FILIP1L: variants seen among roughly 807,000 people sequenced by gnomAD.
The protein encoded by FILIP1L is filamin A interacting protein 1 like.
In FILIP1L, 55 loss-of-function variants were observed where a neutral mutation model predicts 96.6. That is an observed-to-expected ratio of 0.57 (90% CI 0.46 to 0.71). The LOEUF is 0.71. Among genes scored for constraint, FILIP1L ranks in the 30% least tolerant of loss-of-function variants. FILIP1L has a pLI of 0.00. For synonymous variants in FILIP1L, 467 were observed against 473.9 expected (o/e 0.99, Z 0.19); for missense variants, 1,304 against 1,321.2 (o/e 0.99, Z 0.20).
chr3:99,985,720 A>G (rs1450929466), intron 1 of FILIP1L, among the ~76,000 whole-genome samples: 1 of 151,802 alleles, frequency 6.6e-6, no homozygotes, highest in Admixed American at 6.6e-5. Context: ...TCCTGAGTAA[A>G]TGGGATTACA....
intron 1 of FILIP1L, among the ~76,000 whole-genome samples, chr3:99,990,592 T>C (rs1331897548): frequency 6.6e-6 from 1 of 152,178 alleles, no homozygotes; most frequent in East Asian, 1.9e-4. Context: ...CTCTAAATAA[T>C]ACCAATTCTT....
intron 5 of FILIP1L, among the ~76,000 whole-genome samples, chr3:99,846,869 G>T (rs936423969): frequency 2.0e-5 from 3 of 152,144 alleles, no homozygotes; most frequent in African/African-American, 7.2e-5. Context: ...CAATTATGAG[G>T]TTAGAAAAAG....
rs1321185364 is a variant in FILIP1L at position 100,021,960 on chromosome 3, T to TGTGTGTGAGA, written c.-10-90931_-10-90930insTCTCACACAC. ...GTGTGTGTGTGTGTGTGTGTGTGTG[T>TGTGTGTGAGA]GAGAGAGAGAGAGAGAGAGAGAGAG... On this transcript the variant is annotated intron_variant, in intron 1 of 5. Transcript: ENST00000477258. Among the ~76,000 whole-genome samples, 309 of 93,276 alleles carry TGTGTGTGAGA rather than the reference T, an allele frequency of 3.3e-3. 1 individual carries two copies. The highest frequency in any genetic ancestry group is 0.011 in the South Asian group (25 of 2,286). 61.2% of individuals were successfully genotyped at this position (93,276 alleles called of 152,430 possible).
intron 1 of FILIP1L, among the ~76,000 whole-genome samples, chr3:99,952,029 T>G (rs892885759): frequency 2.0e-5 from 3 of 152,188 alleles, no homozygotes; most frequent in African/African-American, 7.2e-5. Context: ...AAATTACTGT[T>G]TATTCCAGTG....
At chr3:99,996,413 C>G (rs188108854) in intron 1 of FILIP1L, among the ~76,000 whole-genome samples, 1 of 152,196 alleles carries the variant, frequency 6.6e-6, no homozygotes, top group Non-Finnish European at 1.5e-5. Flanking sequence ...GAAGTTCCAA[C>G]TTTCCCACAT....
intron 4 of FILIP1L, among the ~76,000 whole-genome samples, chr3:99,902,608 A>C (rs1488311149): frequency 1.3e-5 from 2 of 152,250 alleles, no homozygotes; most frequent in Non-Finnish European, 2.9e-5. Context: ...ACCTTGGATT[A>C]TAGTCCATTG....
chr3:99,994,164 T>C (rs1219910839), intron 1 of FILIP1L, among the ~76,000 whole-genome samples: 1 of 152,176 alleles, frequency 6.6e-6, no homozygotes, highest in African/African-American at 2.4e-5. Flanking sequence ...TCATTATTGG[T>C]CTGTTCAGGA....
chr3:99,878,745 G>A (rs183516456), intron 4 of FILIP1L, among the ~76,000 whole-genome samples: 2 of 152,182 alleles, frequency 1.3e-5, no homozygotes, highest in Admixed American at 6.5e-5. Flanking sequence ...GAAAGTCAAG[G>A]GTTTTGAGGG....
intron 4 of FILIP1L, among the ~76,000 whole-genome samples, chr3:99,908,912 A>C (rs562793764): frequency 6.6e-6 from 1 of 152,136 alleles, no homozygotes; most frequent in Non-Finnish European, 1.5e-5. Flanking sequence ...TGGGAATCTT[A>C]ATTAGCTTCA....
In FILIP1L at chr3:99,930,867, T is replaced by A. The variant is rs372946403; in HGVS notation, c.154A>T (p.Lys52Ter). Residue 52 changes from lysine (K) to a stop codon, truncating the protein, a stop_gained, in exon 2 of 6, where the codon AAG (lysine) becomes TAG (stop). Coordinates refer to ENST00000477258, the MANE Select transcript of FILIP1L (RefSeq NM_001387850.1). LOFTEE classifies it high-confidence loss of function. Reference protein sequence around the residue: ...SESDVILPCPKAEKPHSGNGH... With the variant: ...SESDVILPCP ...TTACCACTGTGTGGCTTCTCTGCCT[T>A]GGGACACGGAAGTATTACATCCGAC... 1.2e-6 allele frequency: 2 copies of A among 1,613,186 alleles called. No homozygotes were observed.
chr3:99,943,392 T>G (rs1023339439), intron 1 of FILIP1L, among the ~76,000 whole-genome samples: 5 of 152,326 alleles, frequency 3.3e-5, no homozygotes, highest in African/African-American at 1.2e-4. Context: ...ATTTTTCATA[T>G]TCCATCTACT....
At chr3:99,891,953 CTTA>C (rs1415608626) in intron 4 of FILIP1L, among the ~76,000 whole-genome samples, 1 of 152,142 alleles carries the variant, frequency 6.6e-6, no homozygotes, top group Non-Finnish European at 1.5e-5. Flanking sequence ...TTCACTAACA[CTTA>C]TTAGTTAAAT....
intron 4 of FILIP1L, among the ~76,000 whole-genome samples, chr3:99,886,788 A>G (rs1056785923): frequency 1.3e-5 from 2 of 151,218 alleles, no homozygotes; most frequent in Non-Finnish European, 2.9e-5. Context: ...ACCCATCCCT[A>G]CTAGAAACCA....
chr3:99,965,548 A>G (rs1708624838), intron 1 of FILIP1L, among the ~76,000 whole-genome samples: 1 of 152,170 alleles, frequency 6.6e-6, no homozygotes, highest in South Asian at 2.1e-4. Context: ...TTGTAGGGTA[A>G]ACATACCTGA....
At chr3:99,856,190 C>G (rs189237611) in intron 4 of FILIP1L, among the ~76,000 whole-genome samples, 33 of 152,324 alleles carry the variant, frequency 2.2e-4, no homozygotes, top group Admixed American at 1.2e-3. Context: ...GTACCTTTGT[C>G]TGATGCCCCA....
At chr3:100,025,421 C>A (rs2064901306) in intron 1 of FILIP1L, 1 of 152,110 alleles carries the variant, frequency 6.6e-6, no homozygotes, top group African/African-American at 2.4e-5. Flanking sequence ...CTCTTCCTTC[C>A]TTCCAGTGTT....
intron 4 of FILIP1L, among the ~76,000 whole-genome samples, chr3:99,916,439 C>T (rs1258442284): frequency 3.7e-5 from 1 of 27,124 alleles, no homozygotes; most frequent in East Asian, 5.8e-4. Flanking sequence ...ACGGTTTATA[C>T]ACACACACAC....
chr3:99,940,456 G>A (rs925956052), intron 1 of FILIP1L, among the ~76,000 whole-genome samples: 15 of 152,014 alleles, frequency 9.9e-5, no homozygotes, highest in African/African-American at 2.2e-4. Flanking sequence ...ATTTTTGTCC[G>A]TTTGGACCTT....
chr3:99,983,129 A>G (rs1203369612), intron 1 of FILIP1L, among the ~76,000 whole-genome samples: 2 of 152,006 alleles, frequency 1.3e-5, no homozygotes, highest in Admixed American at 6.6e-5. Context: ...TACAGCTATT[A>G]TCTCACTTGC....
Sources: allele counts gnomAD v4.1 joint callset (sites outside exome capture counted in the v4.1 genomes callset), GRCh38; gene constraint gnomAD v4.1.1; transcripts MANE v1.5; gene names NCBI Gene and HGNC (gene_info 2026-07-23, HGNC 2026-07-21).